SRGAP3: variants seen among roughly 807,000 people sequenced by gnomAD.
SRGAP3 encodes SLIT-ROBO Rho GTPase activating protein 3.
Under a neutral mutation model 121.1 loss-of-function variants are expected in SRGAP3, and 39 were observed. That is an observed-to-expected ratio of 0.32 (90% CI 0.25 to 0.42). The LOEUF is 0.42. Among genes scored for constraint, SRGAP3 ranks in the 10% least tolerant of loss-of-function variants. The probability of loss-of-function intolerance (pLI) is 1.00; values close to 1 mark genes in which losing one functional copy is unlikely to be tolerated. For synonymous variants in SRGAP3, 601 were observed against 570.0 expected, an observed-to-expected ratio of 1.05 and a Z score of -0.77; for missense variants, 1,213 against 1,470.6, an observed-to-expected ratio of 0.82 and a Z score of 2.86.
intron 5 of SRGAP3, among the ~76,000 whole-genome samples, chr3:9,060,611 A>C (rs1946109025): frequency 6.6e-6 from 1 of 151,566 alleles, no homozygotes; most frequent in South Asian, 2.1e-4. Flanking sequence ...TTTGTTTTTC[A>C]AGTTTTTTAG....
At chr3:9,321,883 A>T (rs1955443784) in intron 3 of SRGAP3, among the ~76,000 whole-genome samples, 1 of 151,690 alleles carries the variant, frequency 6.6e-6, no homozygotes, top group East Asian at 1.9e-4. Context: ...TACCTAGGTG[A>T]CAAAATAATC....
rs1352737240 is a variant in SRGAP3, at chr3:9,248,948, A to T, written c.4T>A (p.Ser2Thr). 1 of 1,614,130 alleles carries T rather than the reference A, an allele frequency of 6.2e-7. No homozygotes were observed. Among genetic ancestry groups the T allele is most frequent in the Non-Finnish European group, 8.5e-7 (1 of 1,179,984 alleles). ...TCTTTCTTGAACTTAGTTTGAGATG[A>T]CATCTTCTGACGTGGCCAAAGGAAC... M[S>T]SQTKFKKDKE... The change falls in exon 1 of 22, where the codon TCA becomes ACA. Residue 2 changes from serine (S) to threonine (T), a missense_variant. By Grantham distance (58) the Ser-to-Thr change is moderately conservative (BLOSUM62 1). Around this residue, in one of 2 missense-constraint regions of SRGAP3, gnomAD observed 793 missense variants for 1,032.9 expected, o/e 0.77. Transcript: ENST00000383836.
chr3:9,131,205 CA>C (rs1245955367), intron 1 of SRGAP3, among the ~76,000 whole-genome samples: 5 of 152,216 alleles, frequency 3.3e-5, no homozygotes, highest in African/African-American at 1.2e-4. Flanking sequence ...TCCCAAGGCA[CA>C]GACTTCATTC....
intron 3 of SRGAP3, among the ~76,000 whole-genome samples, chr3:9,100,133 G>GT (rs1235072537): frequency 3.3e-5 from 5 of 152,204 alleles, no homozygotes; most frequent in Admixed American, 1.3e-4. Context: ...TCTTAACATA[G>GT]TAAGGGCCAA....
intron 3 of SRGAP3, among the ~76,000 whole-genome samples, chr3:9,303,761 G>A (rs1412928314): frequency 1.3e-5 from 2 of 152,168 alleles, no homozygotes; most frequent in African/African-American, 2.4e-5. Flanking sequence ...TTTGGAAGGC[G>A]ATTTACACTT....
intron 3 of SRGAP3, among the ~76,000 whole-genome samples, chr3:9,303,522 T>A (rs562826225): frequency 1.1e-4 from 17 of 152,132 alleles, no homozygotes; most frequent in Non-Finnish European, 2.5e-4. Context: ...TACACCTATA[T>A]AGAGATCTCT....
Position 9,230,433 on chromosome 3 carries a change from C to A in SRGAP3, c.67+18452G>T, listed in dbSNP as rs143759286. Among the ~76,000 whole-genome samples the A allele has an allele frequency of 7.5e-3, 1,141 of 152,310 alleles. 3 individuals carry two copies. Among genetic ancestry groups the A allele is most frequent in the Non-Finnish European group, 0.012 (840 of 68,038 alleles). ...ATTAAAACACTGAACAGGAGACAGC[C>A]TTTTGGCATGCCACTGGAGACTTCA... On this transcript the variant is annotated intron_variant, in intron 1 of 21. Transcript: ENST00000383836.
At chr3:9,167,143 T>C (rs1288064041) in intron 1 of SRGAP3, among the ~76,000 whole-genome samples, 1 of 152,166 alleles carries the variant, frequency 6.6e-6, no homozygotes, top group Non-Finnish European at 1.5e-5. Flanking sequence ...GTGACAGCAA[T>C]TCTCCTGGGC....
chr3:9,052,389 G>A (rs1449635006), intron 9 of SRGAP3, among the ~76,000 whole-genome samples: 1 of 152,142 alleles, frequency 6.6e-6, no homozygotes. Context: ...TTAATCTTGG[G>A]AGCAATCAGG....
intron 3 of SRGAP3, among the ~76,000 whole-genome samples, chr3:9,307,823 T>C (rs1955182531): frequency 5.3e-5 from 8 of 152,196 alleles, no homozygotes; most frequent in Admixed American, 5.2e-4. Flanking sequence ...AAATGTGGGA[T>C]TGAACAAATT....
intron 1 of SRGAP3, among the ~76,000 whole-genome samples, chr3:9,355,334 A>T (rs1158646475): frequency 6.6e-6 from 1 of 152,092 alleles, no homozygotes; most frequent in Non-Finnish European, 1.5e-5. Flanking sequence ...GCTCCCTAAC[A>T]TTGTCCAGGC....
intron 3 of SRGAP3, among the ~76,000 whole-genome samples, chr3:9,273,925 C>T (rs754168408): frequency 6.6e-6 from 1 of 152,072 alleles, no homozygotes; most frequent in Non-Finnish European, 1.5e-5. Flanking sequence ...TATTTCTGGG[C>T]TCTCAATTGT....
At chr3:9,204,607 G>T (rs1952196330) in intron 1 of SRGAP3, among the ~76,000 whole-genome samples, 1 of 152,018 alleles carries the variant, frequency 6.6e-6, no homozygotes, top group East Asian at 1.9e-4. Context: ...CCCAGAGGGG[G>T]AAAACATTCT....
chr3:9,168,553 G>A (rs1391183699), intron 1 of SRGAP3, among the ~76,000 whole-genome samples: 2 of 152,168 alleles, frequency 1.3e-5, no homozygotes, highest in Non-Finnish European at 2.9e-5. Flanking sequence ...TTTAACATCC[G>A]CTTAACAACT....
rs561341996 is a variant in SRGAP3, at chr3:9,065,761, T to C, written c.487-1180A>G. On this transcript the variant is annotated intron_variant, in intron 4 of 21. Coordinates refer to ENST00000383836, the MANE Select transcript of SRGAP3 (RefSeq NM_014850.4). ...TGTCCACAGCTACTTGAGATGTTTA[T>C]AGTTTTTAGCTATTTTTGAATAAGG... Among the ~76,000 whole-genome samples the C allele has an allele frequency of 7.2e-5, 11 of 152,374 alleles. No individual in the cohort carries two copies. The South Asian group carries it at 2.1e-3, about 29-fold the overall frequency.
chr3:9,222,335 C>T (rs926547177), intron 1 of SRGAP3, among the ~76,000 whole-genome samples: 23 of 152,212 alleles, frequency 1.5e-4, no homozygotes, highest in African/African-American at 5.5e-4. Flanking sequence ...AGGAAGTGTA[C>T]TACCGATTCG....
chr3:9,174,625 G>A (rs1951109380), intron 1 of SRGAP3, among the ~76,000 whole-genome samples: 1 of 152,188 alleles, frequency 6.6e-6, no homozygotes, highest in Non-Finnish European at 1.5e-5. Context: ...GCACAGGCGG[G>A]AGTTCACCTA....
intron 9 of SRGAP3, 57 bp from the exon 10 acceptor site, chr3:9,047,532 C>T (rs1945350510): frequency 1.9e-6 from 3 of 1,552,440 alleles, no homozygotes; most frequent in East Asian, 4.5e-5. Flanking sequence ...AATGGGATCT[C>T]TGCCTCTGCA....
intron 1 of SRGAP3, among the ~76,000 whole-genome samples, chr3:9,155,738 T>A (rs1260400850): frequency 6.6e-6 from 1 of 152,216 alleles, no homozygotes; most frequent in African/African-American, 2.4e-5. Flanking sequence ...TTCTAGTTGA[T>A]TCTTTTTATA....
Sources: allele counts gnomAD v4.1 joint callset (sites outside exome capture counted in the v4.1 genomes callset), GRCh38; gene constraint gnomAD v4.1.1; regional missense constraint gnomAD v4.1.1; transcripts MANE v1.5; gene names NCBI Gene and HGNC (gene_info 2026-07-23, HGNC 2026-07-21).